USO1: variants seen among roughly 807,000 people sequenced by gnomAD.
The protein encoded by USO1 is USO1 vesicle transport factor.
USO1 carries 57 observed loss-of-function variants against 124.5 expected under a neutral mutation model. That is an observed-to-expected ratio of 0.46 (90% CI 0.37 to 0.57). The LOEUF (loss-of-function observed/expected upper bound fraction) is 0.57, where lower values mean the gene tolerates loss of function less well. USO1 is among the 20% of genes least tolerant of loss of function. The probability of loss-of-function intolerance (pLI) is 0.00; values close to 1 mark genes in which losing one functional copy is unlikely to be tolerated. For synonymous variants in USO1, 369 were observed against 362.8 expected (o/e 1.02, Z -0.19); for missense variants, 900 against 1,040.6 (o/e 0.86, Z 1.86).
At chr4:75,735,343 C>T (rs1456581045) in intron 1 of USO1, among the ~76,000 whole-genome samples, 1 of 152,054 alleles carries the variant, frequency 6.6e-6, no homozygotes, top group Non-Finnish European at 1.5e-5. Flanking sequence ...TTTAGTGGAA[C>T]CTGTTGGGTT....
rs544003160 is a variant in USO1 at position 75,813,390 on chromosome 4, A to G, written c.*95A>G. On this transcript the variant is annotated 3_prime_UTR_variant, in exon 24 of 24. Coordinates refer to ENST00000514213, the MANE Select transcript of USO1 (RefSeq NM_003715.4). ...CTCCATGGAAAATAAAGATTTAGAAACCAGGTGGAAAACATTCACTATTAA... is the reference window on the plus strand; with the variant it reads ...CTCCATGGAAAATAAAGATTTAGAAGCCAGGTGGAAAACATTCACTATTAA... 279 of 1,323,070 alleles carry G rather than the reference A, an allele frequency of 2.1e-4. No individual in the cohort carries two copies. In the African/African-American group the frequency reaches 3.8e-3, roughly 18 times the overall value. 82.0% of individuals were successfully genotyped at this position (1,323,070 alleles called of 1,614,324 possible). A position where few individuals can be genotyped will look rare whatever the true frequency, so the allele number is the denominator to read the frequency against.
intron 18 of USO1, among the ~76,000 whole-genome samples, chr4:75,804,701 C>G (rs1429861054): frequency 6.6e-6 from 1 of 152,160 alleles, no homozygotes; most frequent in Non-Finnish European, 1.5e-5. Context: ...GTTTCCTCTT[C>G]TGCAAAATGA....
At chr4:75,742,302 G>C (rs772113487) in intron 1 of USO1, among the ~76,000 whole-genome samples, 1 of 152,198 alleles carries the variant, frequency 6.6e-6, no homozygotes, top group Non-Finnish European at 1.5e-5. Flanking sequence ...AAACACATGA[G>C]TAATGTGTTG....
intron 13 of USO1, among the ~76,000 whole-genome samples, chr4:75,797,363 T>C (rs1439520485): frequency 1.3e-5 from 2 of 152,052 alleles, no homozygotes; most frequent in African/African-American, 4.8e-5. Flanking sequence ...AACTCACTGA[T>C]AGTTGTATGC....
chr4:75,759,646 C>A (rs1296142496), intron 4 of USO1, among the ~76,000 whole-genome samples: 1 of 151,052 alleles, frequency 6.6e-6, no homozygotes, highest in African/African-American at 2.4e-5. Context: ...CGGTGGCTCA[C>A]GCCTGTAATC....
chr4:75,812,296 A>G lies in USO1; in HGVS notation c.2720A>G (p.Asp907Gly), dbSNP rs1723172742. 2.5e-6 allele frequency: 4 copies of G among 1,607,414 alleles called. No homozygotes were observed. Among genetic ancestry groups the G allele is most frequent in the Non-Finnish European group, 3.4e-6 (4 of 1,176,722 alleles). Residue 907 changes from aspartate (D) to glycine (G), a missense_variant, in exon 23 of 24, where the codon GAT becomes GGT. Asp to Gly is a moderately conservative substitution (Grantham distance 94). This residue lies in a region of USO1 where 362 missense variants were observed against 359.0 expected (regional missense o/e 1.01). Transcript: ENST00000514213. The part of the protein sequence containing the change: ...LEITDSKKEQ[D>G]DLLVLLADQD... ...ATTACAGATTCTAAAAAAGAACAAG[A>G]TGATCTCTTGGTGCTCTTGGCCGAT...
chr4:75,812,015 A>T, intron 22 of USO1, 145 bp from the exon 23 acceptor site: 1 of 1,212,498 alleles, frequency 8.2e-7, no homozygotes, highest in South Asian at 1.5e-5. Flanking sequence ...GTGTGTGTTA[A>T]ACCTCCTGTA....
intron 1 of USO1, among the ~76,000 whole-genome samples, chr4:75,743,644 G>A (rs182863924): frequency 3.3e-5 from 5 of 152,182 alleles, no homozygotes; most frequent in African/African-American, 9.6e-5. Flanking sequence ...GTACTTGAAC[G>A]GTGTTTCCCA....
At chr4:75,755,794 T>C (rs1246530367) in intron 3 of USO1, among the ~76,000 whole-genome samples, 2 of 152,156 alleles carry the variant, frequency 1.3e-5, no homozygotes, top group African/African-American at 4.8e-5. Context: ...TTACCTTAGA[T>C]AGTGAGAGAG....
intron 18 of USO1, 117 bp downstream of exon 18, chr4:75,804,389 C>G: frequency 4.3e-6 from 6 of 1,392,024 alleles, no homozygotes; most frequent in Non-Finnish European, 5.6e-6. Context: ...ATCATGGTGA[C>G]AAAAATGTAA....
At chr4:75,807,641 T>C (rs1723034341) in intron 20 of USO1, among the ~76,000 whole-genome samples, 1 of 151,850 alleles carries the variant, frequency 6.6e-6, no homozygotes, top group Non-Finnish European at 1.5e-5. Context: ...TCACAATGTT[T>C]TATTTGTGTG....
chr4:75,763,522 T>C (rs893303465), intron 4 of USO1, among the ~76,000 whole-genome samples: 2 of 152,200 alleles, frequency 1.3e-5, no homozygotes, highest in Admixed American at 1.3e-4. Context: ...ATATTTTCAG[T>C]TTTTGATGGG....
At chr4:75,790,063 A>C (rs1360379282) in intron 10 of USO1, 87 bp from the exon 11 acceptor site, 22 of 1,386,256 alleles carry the variant, frequency 1.6e-5, no homozygotes, top group African/African-American at 4.4e-5. Context: ...AAAAAACAAA[A>C]AAAAAAGATT....
chr4:75,807,504 G>A (rs937453495), intron 20 of USO1, among the ~76,000 whole-genome samples: 1 of 152,032 alleles, frequency 6.6e-6, no homozygotes, highest in Non-Finnish European at 1.5e-5. Context: ...AGAAATGACT[G>A]AACATAGAGA....
intron 10 of USO1, 94 bp downstream of exon 10, chr4:75,787,296 T>C: frequency 7.5e-7 from 1 of 1,341,434 alleles, no homozygotes; most frequent in Non-Finnish European, 9.6e-7. Flanking sequence ...ACTACAATAG[T>C]TAACCATTTT....
intron 11 of USO1, 110 bp downstream of exon 11, chr4:75,790,348 T>A: frequency 7.2e-7 from 1 of 1,380,826 alleles, no homozygotes; most frequent in Non-Finnish European, 9.6e-7. Context: ...TTGTATGTTT[T>A]GGAACTAGAA....
In USO1 at chr4:75,804,263, A is replaced by T; in HGVS notation, c.2116A>T (p.Ile706Leu). The change falls in exon 18 of 24, where the codon ATA (isoleucine) becomes TTA (leucine). Residue 706 changes from isoleucine (I) to leucine (L), a missense_variant. Physicochemically the swap from Ile to Leu is conservative, Grantham distance 5 (BLOSUM62 2). Around this residue, in one of 2 missense-constraint regions of USO1, gnomAD observed 362 missense variants for 359.0 expected, o/e 1.01. Coordinates refer to ENST00000514213, the MANE Select transcript of USO1 (RefSeq NM_003715.4). Reference protein sequence around the residue: ...QHKDQYNLLKIQLGKDNQHQG... With the variant: ...QHKDQYNLLKLQLGKDNQHQG... ...CAAAGACCAGTATAATCTTCTTAAA[A>T]TACAGCTAGGTAAGCATAGCTAAGC... The T allele has an allele frequency of 6.2e-7, 1 of 1,610,588 alleles. No homozygotes were observed. The highest frequency in any genetic ancestry group is 8.5e-7 in the Non-Finnish European group (1 of 1,178,316).
intron 8 of USO1, among the ~76,000 whole-genome samples, chr4:75,781,750 G>T (rs560676664): frequency 7.3e-4 from 94 of 128,280 alleles, no homozygotes; most frequent in Non-Finnish European, 7.7e-4. Flanking sequence ...TCTAAAAAAT[G>T]ATGTCTTTTT....
At chr4:75,744,813 G>T (rs968138114) in intron 1 of USO1, 4 of 355,772 alleles carry the variant, frequency 1.1e-5, no homozygotes, top group East Asian at 8.4e-5. Flanking sequence ...AAAGTAAAAG[G>T]CCCCCATGAA....
Sources: gnomAD v4.1 joint callset for allele counts (sites outside exome capture counted in the v4.1 genomes callset) on GRCh38, gnomAD v4.1.1 for gene constraint, gnomAD v4.1.1 regional missense constraint, MANE v1.5 for transcripts, NCBI Gene and HGNC (gene_info 2026-07-23, HGNC 2026-07-21) for gene names.